Variants in SLC36A1 observed in about 807,000 individuals in gnomAD.
SLC36A1 encodes proton-coupled amino acid transporter 1.
Under a neutral mutation model 47.5 loss-of-function variants are expected in SLC36A1, and 30 were observed. That is an observed-to-expected ratio of 0.63 (90% CI 0.47 to 0.86). SLC36A1 has a LOEUF of 0.86. Ranked by LOEUF, SLC36A1 falls within the 40% of genes least tolerant of loss-of-function variation. The pLI, the probability that SLC36A1 is intolerant of heterozygous loss-of-function variation, is 0.00. For synonymous variants in SLC36A1, 255 were observed against 249.7 expected, an observed-to-expected ratio of 1.02 and a Z score of -0.20; for missense variants, 517 against 606.0, an observed-to-expected ratio of 0.85 and a Z score of 1.54.
At chr5:151,521,265 G>A in the SLC36A1 span, 8 of 1,594,886 alleles carry the variant, frequency 5.0e-6, no homozygotes, top group Admixed American at 1.2e-4. Flanking sequence ...TAGGGAAGAT[G>A]TAGTACTTAC....
rs369066148 is a variant in SLC36A1, at chr5:151,452,802, G to A, written c.-6+4989G>A. ...GGAGAATCGCTTGAACCCAGGAGGC[G>A]GAGGTTGCAGTGAGCCAAGATCACA... On this transcript the variant is annotated intron_variant, in intron 1 of 10. Transcript: ENST00000243389. Among the ~76,000 whole-genome samples the A allele has an allele frequency of 7.2e-4, 109 of 151,484 alleles. No homozygotes were observed. In the East Asian group the frequency reaches 0.014, roughly 19 times the overall value.
the SLC36A1 span, chr5:151,545,936 G>A: frequency 8.1e-6 from 13 of 1,613,998 alleles, no homozygotes; most frequent in African/African-American, 1.3e-5. Flanking sequence ...TTGCTGCCTC[G>A]GATTTTCAGC....
chr5:151,463,384 C>T (rs1045201787), intron 2 of SLC36A1, among the ~76,000 whole-genome samples, 169 bp from the exon 3 acceptor site: 1 of 152,182 alleles, frequency 6.6e-6, no homozygotes. Context: ...TGAATCCTGC[C>T]CCAGCCCTTT....
At chr5:151,458,237 C>T (rs113054198) in intron 1 of SLC36A1, among the ~76,000 whole-genome samples, 31,540 of 147,536 alleles carry the variant, frequency 0.21, 3,490 homozygotes, top group East Asian at 0.39. Flanking sequence ...TCCATCCCCC[C>T]AAGAGCTTGT....
the SLC36A1 span, chr5:151,544,163 A>C: frequency 6.2e-7 from 1 of 1,614,238 alleles, no homozygotes; most frequent in Non-Finnish European, 8.5e-7. Flanking sequence ...TTGATCTGGA[A>C]GAACTTGGAA....
At chr5:151,367,652 C>T in the SLC36A1 span, among the ~76,000 whole-genome samples, 2 of 152,148 alleles carry the variant, frequency 1.3e-5, no homozygotes, top group South Asian at 4.2e-4. Flanking sequence ...CCTGAGGTGA[C>T]GTACATCCTC....
upstream of SLC36A1, among the ~76,000 whole-genome samples, chr5:151,432,798 T>C (rs1447309743): frequency 6.6e-6 from 1 of 152,066 alleles, no homozygotes; most frequent in Non-Finnish European, 1.5e-5. Flanking sequence ...ATTCAGGAAG[T>C]AGAAGCAAAA....
At chr5:151,493,136 A>C (rs1445631885), downstream of SLC36A1, among the ~76,000 whole-genome samples, 1 of 152,250 alleles carries the variant, frequency 6.6e-6, no homozygotes, top group East Asian at 1.9e-4. Flanking sequence ...ACAATGGAAG[A>C]GATGACACCC....
At chr5:151,549,295 C>T in the SLC36A1 span, 1 of 1,612,456 alleles carries the variant, frequency 6.2e-7, no homozygotes, top group Admixed American at 1.7e-5. Context: ...GGCCTCTCAC[C>T]TTTCAGGAGG....
chr5:151,501,703 A>C, the SLC36A1 span, among the ~76,000 whole-genome samples: 1 of 148,400 alleles, frequency 6.7e-6, no homozygotes, highest in Non-Finnish European at 1.5e-5. Flanking sequence ...TACTATCTTC[A>C]TTTTACTGAG....
At chr5:151,393,181 T>C in the SLC36A1 span, among the ~76,000 whole-genome samples, 2 of 151,914 alleles carry the variant, frequency 1.3e-5, no homozygotes, top group African/African-American at 2.4e-5. Flanking sequence ...TCTTTTGATC[T>C]TTGTTGGTTT....
At chr5:151,351,905 C>A in the SLC36A1 span, among the ~76,000 whole-genome samples, 1 of 152,144 alleles carries the variant, frequency 6.6e-6, no homozygotes, top group Non-Finnish European at 1.5e-5. Context: ...TCCAAATTGA[C>A]CTGAGAACAT....
At chr5:151,483,480 G>A (rs1419712870) in intron 10 of SLC36A1, among the ~76,000 whole-genome samples, 2 of 137,346 alleles carry the variant, frequency 1.5e-5, no homozygotes, top group African/African-American at 3.1e-5. Context: ...TTATACAAAT[G>A]TCTTCCTTTT....
the SLC36A1 span, among the ~76,000 whole-genome samples, chr5:151,359,073 A>G: frequency 5.9e-5 from 9 of 152,216 alleles, no homozygotes; most frequent in South Asian, 2.1e-4. Context: ...AAATGCCTCA[A>G]TGATTCGAAT....
chr5:151,521,431 G>A, the SLC36A1 span: 1 of 1,614,216 alleles, frequency 6.2e-7, no homozygotes, highest in South Asian at 1.1e-5. Context: ...CATGGGCATA[G>A]CTGACCGCAT....
chr5:151,368,504 C>T, the SLC36A1 span, among the ~76,000 whole-genome samples: 1 of 152,194 alleles, frequency 6.6e-6, no homozygotes, highest in African/African-American at 2.4e-5. Context: ...TCTCCTGTGC[C>T]ACCATATACC....
At chr5:151,529,961 TTTTTG>T in the SLC36A1 span, among the ~76,000 whole-genome samples, 1 of 152,248 alleles carries the variant, frequency 6.6e-6, no homozygotes, top group African/African-American at 2.4e-5. Context: ...GACACTCTGC[TTTTTG>T]TTTTATTTTA....
chr5:151,488,416 G>A lies in SLC36A1; in HGVS notation c.*162G>A. On this transcript the variant is annotated 3_prime_UTR_variant, in exon 11 of 11. Coordinates refer to ENST00000243389, the MANE Select transcript of SLC36A1 (RefSeq NM_078483.4). ...GATACCCTGGGCCAGGTAACCTGAG[G>A]GCAGGGGAGAGGTGGGGTGGCAGAC... 2.2e-6 allele frequency: 2 copies of A among 906,816 alleles called. No homozygotes were observed. Among genetic ancestry groups the A allele is most frequent in the Non-Finnish European group, 3.3e-6 (2 of 612,636 alleles). 56.2% of individuals were successfully genotyped at this position (906,816 alleles called of 1,614,324 possible).
At chr5:151,544,661 C>T in the SLC36A1 span, 4 of 1,614,178 alleles carry the variant, frequency 2.5e-6, no homozygotes, top group South Asian at 1.1e-5. Context: ...ACCTCTTCCT[C>T]ACTCTGGAGG....
Sources: gnomAD v4.1 joint callset for allele counts (sites outside exome capture counted in the v4.1 genomes callset) on GRCh38, gnomAD v4.1.1 for gene constraint, MANE v1.5 for transcripts, NCBI Gene and HGNC (gene_info 2026-07-23, HGNC 2026-07-21) for gene names.